Variants in GRXCR1 observed in about 807,000 individuals in gnomAD.
GRXCR1 encodes glutaredoxin and cysteine rich domain containing 1.
GRXCR1 carries 27 observed loss-of-function variants against 27.3 expected under a neutral mutation model. The observed-to-expected ratio is 0.99, with a 90% confidence interval of 0.73 to 1.37. The LOEUF (loss-of-function observed/expected upper bound fraction) is 1.37. GRXCR1 is among the 40% of genes most tolerant of loss of function. The pLI, the probability that GRXCR1 is intolerant of heterozygous loss-of-function variation, is 0.00. For missense variants in GRXCR1, 379 were observed against 354.4 expected (o/e 1.07, Z -0.56); for synonymous variants, 122 against 131.1 (o/e 0.93, Z 0.47).
intron 3 of GRXCR1, among the ~76,000 whole-genome samples, chr4:43,026,508 G>A (rs1402574287): frequency 3.3e-5 from 5 of 151,920 alleles, no homozygotes; most frequent in Non-Finnish European, 1.5e-5. Flanking sequence ...GGTCACTGGG[G>A]AGCTTTAGTG....
intron 1 of GRXCR1, among the ~76,000 whole-genome samples, chr4:42,958,288 C>G (rs188189622): frequency 6.6e-6 from 1 of 152,098 alleles, no homozygotes; most frequent in East Asian, 1.9e-4. Context: ...AACCCAACTA[C>G]ACAAGGTAAA....
intron 1 of GRXCR1, among the ~76,000 whole-genome samples, chr4:42,904,907 A>G (rs1746551664): frequency 6.6e-6 from 1 of 152,150 alleles, no homozygotes; most frequent in Admixed American, 6.5e-5. Context: ...GGGACATCTG[A>G]CCCAATTCTA....
chr4:42,958,693 G>T (rs2109772874), intron 1 of GRXCR1, among the ~76,000 whole-genome samples: 1 of 151,920 alleles, frequency 6.6e-6, no homozygotes, highest in Non-Finnish European at 1.5e-5. Context: ...CAAGTATTTA[G>T]GAACACAAAT....
intron 2 of GRXCR1, among the ~76,000 whole-genome samples, chr4:42,974,699 G>C (rs535365680): frequency 6.6e-6 from 1 of 152,250 alleles, no homozygotes; most frequent in South Asian, 2.1e-4. Flanking sequence ...CATAGTCAGG[G>C]TAAGAGTCGG....
Position 42,893,530 on chromosome 4 carries a change from T to C in GRXCR1, c.264T>C (p.Ser88=). ...TGCTGGTGTTAGCAAGGGCTGCCAG[T>C]GAGAAGGGTTTTGGTACAAGAAGAG... is the stretch of plus-strand genomic sequence containing the variant. ...DSLLVLARAA[S]EKGFGTRRVN... Residue 88 remains serine (S), a synonymous_variant, in exon 1 of 4, where the codon AGT becomes AGC. Coordinates refer to ENST00000399770, the MANE Select transcript of GRXCR1 (RefSeq NM_001080476.3). 6.2e-7 allele frequency: 1 copy of C among 1,613,752 alleles called. No individual in the cohort carries two copies. Among genetic ancestry groups the C allele is most frequent in the Non-Finnish European group, 8.5e-7 (1 of 1,179,822 alleles).
intron 2 of GRXCR1, among the ~76,000 whole-genome samples, chr4:42,989,203 C>T (rs1711877503): frequency 6.6e-6 from 1 of 152,150 alleles, no homozygotes; most frequent in East Asian, 1.9e-4. Context: ...GTTTTGGAGG[C>T]TGAAAGTCCA....
At chr4:42,953,885 T>C (rs1167305359) in intron 1 of GRXCR1, among the ~76,000 whole-genome samples, 1 of 152,050 alleles carries the variant, frequency 6.6e-6, no homozygotes. Context: ...ATGCATTTAA[T>C]CATTCAAACC....
intron 2 of GRXCR1, among the ~76,000 whole-genome samples, chr4:43,003,365 G>A (rs530089097): frequency 6.6e-6 from 1 of 152,246 alleles, no homozygotes; most frequent in Admixed American, 6.5e-5. Flanking sequence ...TTGGCACCAG[G>A]AAAGTGGGGC....
At chr4:42,978,463 T>A (rs1489219483) in intron 2 of GRXCR1, among the ~76,000 whole-genome samples, 1 of 152,076 alleles carries the variant, frequency 6.6e-6, no homozygotes, top group Non-Finnish European at 1.5e-5. Flanking sequence ...TTTATTTGTG[T>A]TTTCTTCAAT....
intron 1 of GRXCR1, among the ~76,000 whole-genome samples, chr4:42,922,684 T>G (rs1337326650): frequency 6.6e-6 from 1 of 152,118 alleles, no homozygotes; most frequent in African/African-American, 2.4e-5. Flanking sequence ...GTGGTATCAG[T>G]GAGATCCTGA....
At chr4:42,957,378 G>A (rs1364718141) in intron 1 of GRXCR1, among the ~76,000 whole-genome samples, 1 of 152,002 alleles carries the variant, frequency 6.6e-6, no homozygotes, top group African/African-American at 2.4e-5. Context: ...TACACCTAGT[G>A]CTTAATACTG....
At chr4:42,923,506 C>G (rs189686150) in intron 1 of GRXCR1, among the ~76,000 whole-genome samples, 6 of 152,012 alleles carry the variant, frequency 3.9e-5, no homozygotes, top group African/African-American at 1.4e-4. Context: ...CAAATGTTTA[C>G]CTTGATCTTT....
chr4:42,924,450 G>C (rs545469600), intron 1 of GRXCR1, among the ~76,000 whole-genome samples: 1 of 151,990 alleles, frequency 6.6e-6, no homozygotes, highest in Admixed American at 6.6e-5. Flanking sequence ...GAAAGCAGAG[G>C]CTCAGAAAAT....
chr4:42,992,926 A>G (rs955924581), intron 2 of GRXCR1, among the ~76,000 whole-genome samples: 6 of 152,196 alleles, frequency 3.9e-5, no homozygotes, highest in Admixed American at 1.3e-4. Flanking sequence ...CATTGTTTAC[A>G]TTAACCAATT....
intron 3 of GRXCR1, among the ~76,000 whole-genome samples, chr4:43,024,019 G>C (rs1169441719): frequency 2.0e-5 from 3 of 152,054 alleles, no homozygotes; most frequent in Admixed American, 6.5e-5. Context: ...TGCAGGGAGA[G>C]CCAGGGGAGT....
At chr4:43,006,277 A>G (rs1712555593) in intron 2 of GRXCR1, among the ~76,000 whole-genome samples, 1 of 152,236 alleles carries the variant, frequency 6.6e-6, no homozygotes, top group African/African-American at 2.4e-5. Context: ...TGAAAAAAGA[A>G]CAGGATAAGA....
chr4:42,919,366 T>A (rs1746956509), intron 1 of GRXCR1, among the ~76,000 whole-genome samples: 1 of 152,184 alleles, frequency 6.6e-6, no homozygotes, highest in Non-Finnish European at 1.5e-5. Flanking sequence ...GTACATTGCT[T>A]GCTTATCTCC....
At chr4:42,949,601 G>T (rs570747026) in intron 1 of GRXCR1, among the ~76,000 whole-genome samples, 124 of 152,110 alleles carry the variant, frequency 8.2e-4, no homozygotes, top group African/African-American at 2.9e-3. Context: ...GTAAAGCTAA[G>T]ATAATAACAG....
At chr4:42,904,448 A>C (rs959926648) in intron 1 of GRXCR1, among the ~76,000 whole-genome samples, 11 of 152,204 alleles carry the variant, frequency 7.2e-5, no homozygotes, top group Non-Finnish European at 1.6e-4. Flanking sequence ...GTCTTAAATA[A>C]TTACTGTGCT....
Sources: gnomAD v4.1 joint callset for allele counts (sites outside exome capture counted in the v4.1 genomes callset) on GRCh38, gnomAD v4.1.1 for gene constraint, MANE v1.5 for transcripts, NCBI Gene and HGNC (gene_info 2026-07-23, HGNC 2026-07-21) for gene names.